Variants in PER3 observed in about 807,000 individuals in gnomAD.
PER3 encodes period circadian protein homolog 3.
Under a neutral mutation model 127.2 loss-of-function variants are expected in PER3, and 107 were observed. The ratio of observed to expected loss-of-function variants is 0.84; its 90% CI spans 0.72 to 0.99. PER3 has a LOEUF of 0.99. Ranked by LOEUF, PER3 falls within the 50% of genes least tolerant of loss-of-function variation. PER3 has a pLI of 0.00. For missense variants in PER3, 1,560 were observed against 1,525.8 expected (o/e 1.02, Z -0.37); for synonymous variants, 618 against 585.8 (o/e 1.05, Z -0.79).
intron 19 of PER3, among the ~76,000 whole-genome samples, chr1:7,832,620 G>A (rs1255351339): frequency 5.3e-5 from 8 of 151,836 alleles, no homozygotes; most frequent in African/African-American, 1.2e-4. Flanking sequence ...TGATTCGCCC[G>A]CCTTGGCCTT....
chr1:7,798,333 C>T (rs1422517839), intron 6 of PER3, among the ~76,000 whole-genome samples, 192 bp from the exon 7 acceptor site: 1 of 152,228 alleles, frequency 6.6e-6, no homozygotes. Flanking sequence ...CTTTACACAA[C>T]CTCTTACTCG....
chr1:7,787,780 C>T (rs2097099222), intron 4 of PER3: 2 of 469,200 alleles, frequency 4.3e-6, no homozygotes, highest in Non-Finnish European at 7.8e-6. Flanking sequence ...AAGTTATGTG[C>T]CATACGTATT....
chr1:7,799,907 C>CA (rs966810785), intron 7 of PER3, among the ~76,000 whole-genome samples: 4 of 151,750 alleles, frequency 2.6e-5, no homozygotes, highest in African/African-American at 9.7e-5. Context: ...TAGTTAGGAC[C>CA]ACAGGCACGC....
At chr1:7,815,955 T>C (rs2097247615) in intron 13 of PER3, among the ~76,000 whole-genome samples, 1 of 123,170 alleles carries the variant, frequency 8.1e-6, no homozygotes, top group Non-Finnish European at 1.6e-5. Context: ...ATCCCACCAC[T>C]GCACTCCAGC....
chr1:7,840,957 T>C (rs2097384058), intron 21 of PER3, among the ~76,000 whole-genome samples: 1 of 152,224 alleles, frequency 6.6e-6, no homozygotes, highest in African/African-American at 2.4e-5. Context: ...CTCGCAATTC[T>C]TTCATCTGGT....
chr1:7,789,599 G>A (rs770712830), intron 5 of PER3, among the ~76,000 whole-genome samples: 6 of 152,232 alleles, frequency 3.9e-5, no homozygotes, highest in African/African-American at 1.2e-4. Context: ...GCATGCAAAC[G>A]GACCTAATAC....
At position 7,788,123 on chromosome 1, in the gene PER3, C is replaced by A. The variant is rs375445968; in HGVS notation, c.469C>A (p.Arg157Ser). 6.2e-7 allele frequency: 1 copy of A among 1,613,790 alleles called. No individual in the cohort carries two copies. Among genetic ancestry groups the A allele is most frequent in the African/African-American group, 1.3e-5 (1 of 75,034 alleles). The change falls in exon 5 of 22, where the codon CGT (arginine) becomes AGT (serine). Residue 157 changes from arginine to serine, a missense_variant. Physicochemically the swap from Arg to Ser is moderately radical, Grantham distance 110. This residue lies in a region of PER3 where 1,332 missense variants were observed against 1,223.6 expected (regional missense o/e 1.09). Transcript: ENST00000377532. ...TGAACAGGCTGCTTTGATCCTGAAT[C>A]GTAAGAAAGATGTCCTGGCGTCTTC... ...ISEQAALILNRKKDVLASSHF... is the reference protein window; with the variant it reads ...ISEQAALILNSKKDVLASSHF...
intron 5 of PER3, among the ~76,000 whole-genome samples, chr1:7,791,784 G>GTC (rs2097122694): frequency 6.6e-6 from 1 of 152,136 alleles, no homozygotes; most frequent in African/African-American, 2.4e-5. Flanking sequence ...TCTAGGCCAG[G>GTC]AGCAAAAGTT....
At chr1:7,812,723 T>G (rs762997589) in intron 13 of PER3, among the ~76,000 whole-genome samples, 1 of 151,974 alleles carries the variant, frequency 6.6e-6, no homozygotes. Context: ...CTTAGATAGA[T>G]TCTTACATTT....
intron 4 of PER3, 96 bp downstream of exon 4, chr1:7,786,932 C>T: frequency 1.4e-6 from 1 of 729,862 alleles, no homozygotes; most frequent in Non-Finnish European, 2.5e-6. Flanking sequence ...AACGTTTCAG[C>T]AACCACAATT....
At chr1:7,787,933 C>A in intron 4 of PER3, 112 bp from the exon 5 acceptor site, 1 of 748,126 alleles carries the variant, frequency 1.3e-6, no homozygotes, top group South Asian at 1.6e-5. Context: ...TAGGTTGTGC[C>A]TGTGTATTTT....
chr1:7,830,194 C>G (rs1266107261), intron 19 of PER3, 33 bp downstream of exon 19: 5 of 1,559,548 alleles, frequency 3.2e-6, no homozygotes. Flanking sequence ...GTTTCAAACT[C>G]CAATGCCAGA....
At chr1:7,828,704 A>C (rs1283508031) in intron 18 of PER3, among the ~76,000 whole-genome samples, 1 of 152,222 alleles carries the variant, frequency 6.6e-6, no homozygotes, top group Admixed American at 6.5e-5. Flanking sequence ...AGTTAGGAAG[A>C]TTCACTTAGA....
chr1:7,800,980 G>C, intron 7 of PER3, 133 bp from the exon 8 acceptor site: 1 of 657,002 alleles, frequency 1.5e-6, no homozygotes, highest in Non-Finnish European at 2.7e-6. Context: ...GCTGCTTGAA[G>C]GCCAGGCCCC....
chr1:7,811,303 G>C (rs2097218154), intron 13 of PER3, among the ~76,000 whole-genome samples: 1 of 152,118 alleles, frequency 6.6e-6, no homozygotes, highest in African/African-American at 2.4e-5. Context: ...TTTACACAGT[G>C]GGGTGAAATT....
intron 13 of PER3, among the ~76,000 whole-genome samples, chr1:7,813,420 C>A (rs1167351285): frequency 6.6e-6 from 1 of 152,214 alleles, no homozygotes; most frequent in South Asian, 2.1e-4. Flanking sequence ...GAGCAGCCAG[C>A]AGGCCTAAAA....
At chr1:7,787,958 G>T in intron 4 of PER3, 87 bp from the exon 5 acceptor site, 1 of 942,202 alleles carries the variant, frequency 1.1e-6, no homozygotes, top group East Asian at 2.4e-5. Flanking sequence ...TACTGGTCAT[G>T]TTAGAGATCC....
Position 7,784,651 on chromosome 1 carries a change from T to C in PER3, c.-224-3T>C, listed in dbSNP as rs1361620706. 1 of 448,938 alleles carries C rather than the reference T, an allele frequency of 2.2e-6. No individual in the cohort carries two copies. Among genetic ancestry groups the C allele is most frequent in the African/African-American group, 2.1e-5 (1 of 48,458 alleles). The allele number at this position is 448,938 out of a possible 1,614,324, so 27.8% of individuals were successfully genotyped here. A position where few individuals can be genotyped will look rare whatever the true frequency, so the allele number is the denominator to read the frequency against. On this transcript the variant is annotated splice_region_variant and splice_polypyrimidine_tract_variant and intron_variant, in intron 1 of 21. Transcript: ENST00000377532. ...CCTTGTCACCCTTGTCTCCTCCCCC[T>C]AGGCCGGAGTCCTGAAAGTCGAGCG... is the stretch of plus-strand genomic sequence containing the variant.
At chr1:7,794,675 A>T (rs2097137084) in intron 6 of PER3, among the ~76,000 whole-genome samples, 2 of 152,064 alleles carry the variant, frequency 1.3e-5, no homozygotes, top group Non-Finnish European at 2.9e-5. Context: ...GAAATTTTTA[A>T]TAGCTTTAAA....
Sources: allele counts gnomAD v4.1 joint callset (sites outside exome capture counted in the v4.1 genomes callset), GRCh38; gene constraint gnomAD v4.1.1; regional missense constraint gnomAD v4.1.1; transcripts MANE v1.5; gene names NCBI Gene and HGNC (gene_info 2026-07-23, HGNC 2026-07-21).